The following ARHGAP10 variants were observed in gnomAD, a reference collection of about 807,000 sequenced individuals.
ARHGAP10 encodes rho GTPase-activating protein 10.
A neutral mutation model predicts 108.6 loss-of-function variants in ARHGAP10; 87 were observed. That is an observed-to-expected ratio of 0.80 (90% CI 0.67 to 0.96). The LOEUF (loss-of-function observed/expected upper bound fraction) is 0.96, where lower values mean the gene tolerates loss of function less well. Ranked by LOEUF, ARHGAP10 falls within the 40% of genes least tolerant of loss-of-function variation. ARHGAP10 has a pLI of 0.00. For missense variants in ARHGAP10, 939 were observed against 954.5 expected, an observed-to-expected ratio of 0.98 and a Z score of 0.21; for synonymous variants, 347 against 341.1, an observed-to-expected ratio of 1.02 and a Z score of -0.19.
intron 1 of ARHGAP10, among the ~76,000 whole-genome samples, chr4:147,794,335 A>T (rs1329980823): frequency 6.6e-6 from 1 of 152,216 alleles, no homozygotes; most frequent in Non-Finnish European, 1.5e-5. Context: ...GCAACATTTT[A>T]TGTCAATCTT....
intron 1 of ARHGAP10, among the ~76,000 whole-genome samples, chr4:147,786,890 C>T (rs897615489): frequency 4.4e-4 from 67 of 152,262 alleles, no homozygotes; most frequent in African/African-American, 1.5e-3. Flanking sequence ...GCTGTCCTCA[C>T]TCTTGTGACA....
intron 1 of ARHGAP10, among the ~76,000 whole-genome samples, chr4:147,785,294 G>T (rs543560799): frequency 1.3e-5 from 2 of 151,910 alleles, no homozygotes; most frequent in Admixed American, 1.3e-4. Context: ...TATTTCTTCT[G>T]TTGTGTCTCC....
chr4:147,957,804 A>G (rs1054569313), intron 16 of ARHGAP10, among the ~76,000 whole-genome samples: 3 of 152,186 alleles, frequency 2.0e-5, no homozygotes, highest in Non-Finnish European at 4.4e-5. Context: ...AGGGTTCATG[A>G]TACAAATATA....
chr4:147,986,040 G>T (rs1286885325), intron 18 of ARHGAP10, among the ~76,000 whole-genome samples: 1 of 152,140 alleles, frequency 6.6e-6, no homozygotes, highest in Non-Finnish European at 1.5e-5. Context: ...AGCTCACAGG[G>T]TTTATCTTTA....
At chr4:147,774,707 CTA>C (rs930619570) in intron 1 of ARHGAP10, among the ~76,000 whole-genome samples, 1 of 152,124 alleles carries the variant, frequency 6.6e-6, no homozygotes, top group African/African-American at 2.4e-5. Context: ...TACCTGAGCA[CTA>C]GTGTGTGTTT....
rs367769905 is a variant in ARHGAP10, at chr4:147,882,615, T to G, written c.1034+683T>G. ...ATACAGAACAACATTCATTTGTGTG[T>G]GGGGGGGTTTTCAGTGTCTACATCC... On this transcript the variant is annotated intron_variant, in intron 10 of 22. Coordinates refer to ENST00000336498, the MANE Select transcript of ARHGAP10 (RefSeq NM_024605.4). 4.0e-3 allele frequency among the ~76,000 whole-genome samples: 612 copies of G among 152,208 alleles called. 3 individuals are homozygous for G. Among genetic ancestry groups the G allele is most frequent in the African/African-American group, 0.014 (570 of 41,524 alleles).
chr4:147,830,862 A>G (rs916942431), intron 3 of ARHGAP10, among the ~76,000 whole-genome samples: 4 of 152,232 alleles, frequency 2.6e-5, no homozygotes, highest in African/African-American at 7.2e-5. Flanking sequence ...TATTTTTTAA[A>G]AAGTGTTTCA....
At chr4:147,853,888 G>C (rs1733979324) in intron 4 of ARHGAP10, among the ~76,000 whole-genome samples, 1 of 151,950 alleles carries the variant, frequency 6.6e-6, no homozygotes, top group Non-Finnish European at 1.5e-5. Context: ...AATTAATTTT[G>C]ATATGAGATG....
intron 4 of ARHGAP10, among the ~76,000 whole-genome samples, chr4:147,855,868 C>T (rs1467930296): frequency 6.6e-6 from 1 of 151,664 alleles, no homozygotes; most frequent in African/African-American, 2.4e-5. Flanking sequence ...AGCGTGTGGT[C>T]CCATGTGGTG....
At chr4:148,036,108 A>G (rs2149673290) in intron 19 of ARHGAP10, among the ~76,000 whole-genome samples, 1 of 139,888 alleles carries the variant, frequency 7.1e-6, no homozygotes, top group Middle Eastern at 3.5e-3. Flanking sequence ...GTGTGTGTAT[A>G]CTTTTCCAGT....
At chr4:148,006,652 AAG>A (rs1326993589) in intron 18 of ARHGAP10, among the ~76,000 whole-genome samples, 1 of 152,212 alleles carries the variant, frequency 6.6e-6, no homozygotes, top group Non-Finnish European at 1.5e-5. Flanking sequence ...TGACTTCCAG[AAG>A]AGAGTACTTT....
intron 5 of ARHGAP10, among the ~76,000 whole-genome samples, chr4:147,859,561 A>G (rs1734232635): frequency 6.6e-6 from 1 of 152,244 alleles, no homozygotes; most frequent in African/African-American, 2.4e-5. Context: ...GGCACGAGCC[A>G]CAGGGCCCAG....
intron 18 of ARHGAP10, among the ~76,000 whole-genome samples, chr4:147,981,274 C>T (rs984345104): frequency 6.6e-5 from 10 of 152,050 alleles, no homozygotes; most frequent in African/African-American, 2.2e-4. Flanking sequence ...TTGTTTGTTT[C>T]AAAGAAGTTT....
chr4:147,911,344 G>A (rs1252917577), intron 12 of ARHGAP10, among the ~76,000 whole-genome samples: 1 of 152,146 alleles, frequency 6.6e-6, no homozygotes, highest in Non-Finnish European at 1.5e-5. Flanking sequence ...GTGGCTAAGG[G>A]TACTTAACTT....
chr4:147,897,557 A>G (rs1736045369), intron 10 of ARHGAP10, among the ~76,000 whole-genome samples: 1 of 152,078 alleles, frequency 6.6e-6, no homozygotes, highest in African/African-American at 2.4e-5. Flanking sequence ...ATAGTGTCTC[A>G]GAGTATAACA....
chr4:147,746,643 G>A (rs1186124457), intron 1 of ARHGAP10, among the ~76,000 whole-genome samples: 2 of 152,112 alleles, frequency 1.3e-5, no homozygotes, highest in African/African-American at 2.4e-5. Context: ...GCCCACCTCA[G>A]CTTCCCAAAG....
intron 20 of ARHGAP10, among the ~76,000 whole-genome samples, chr4:148,058,614 T>C (rs1397445243): frequency 6.6e-6 from 1 of 152,242 alleles, no homozygotes; most frequent in African/African-American, 2.4e-5. Flanking sequence ...CTGAAATGTT[T>C]GTGATCTGTC....
chr4:147,815,647 A>T (rs960090156), intron 1 of ARHGAP10, among the ~76,000 whole-genome samples: 6 of 152,190 alleles, frequency 3.9e-5, no homozygotes, highest in African/African-American at 9.6e-5. Context: ...ACTTGACCCT[A>T]GGAGTTCAAT....
At chr4:147,819,662 C>T (rs1158117817) in intron 1 of ARHGAP10, among the ~76,000 whole-genome samples, 1 of 152,090 alleles carries the variant, frequency 6.6e-6, no homozygotes, top group Non-Finnish European at 1.5e-5. Context: ...GGGTTCACAC[C>T]ATTCTCCTGC....
Sources: gnomAD v4.1 joint callset for allele counts (sites outside exome capture counted in the v4.1 genomes callset) on GRCh38, gnomAD v4.1.1 for gene constraint, MANE v1.5 for transcripts, NCBI Gene and HGNC (gene_info 2026-07-23, HGNC 2026-07-21) for gene names.